Variants in ASTN2 observed in about 807,000 individuals in gnomAD.
ASTN2 encodes astrotactin 2.
Under a neutral mutation model 139.8 loss-of-function variants are expected in ASTN2, and 54 were observed. The ratio of observed to expected loss-of-function variants is 0.39; its 90% CI spans 0.31 to 0.48. ASTN2 has a LOEUF of 0.48. ASTN2 is among the 20% of genes least tolerant of loss of function. The pLI is 0.95. For synonymous variants in ASTN2, 756 were observed against 719.5 expected (o/e 1.05, Z -0.81); for missense variants, 1,565 against 1,725.1 (o/e 0.91, Z 1.64).
intron 2 of ASTN2, among the ~76,000 whole-genome samples, chr9:117,252,424 C>A (rs949438852): frequency 6.6e-6 from 1 of 152,142 alleles, no homozygotes; most frequent in Non-Finnish European, 1.5e-5. Flanking sequence ...ACCAGTCCAC[C>A]AGGGGGTCTT....
intron 19 of ASTN2, chr9:116,540,392 C>T (rs757728491): frequency 1.3e-5 from 2 of 152,174 alleles, no homozygotes; most frequent in African/African-American, 4.8e-5. Context: ...GCAGTTTTCC[C>T]TCTAATTATA....
chr9:116,615,981 G>A (rs1432397581), intron 19 of ASTN2, among the ~76,000 whole-genome samples: 1 of 152,124 alleles, frequency 6.6e-6, no homozygotes, highest in African/African-American at 2.4e-5. Flanking sequence ...AAGACTAAAT[G>A]CCTGAGATTA....
At chr9:117,098,741 T>C (rs1440885090) in intron 4 of ASTN2, among the ~76,000 whole-genome samples, 1 of 149,356 alleles carries the variant, frequency 6.7e-6, no homozygotes, top group Non-Finnish European at 1.5e-5. Context: ...CAGAAGCCAG[T>C]AGGGCTTTTA....
intron 2 of ASTN2, among the ~76,000 whole-genome samples, chr9:117,242,237 C>T (rs963246738): frequency 2.0e-5 from 3 of 152,014 alleles, no homozygotes; most frequent in African/African-American, 7.2e-5. Context: ...CCTACATCCT[C>T]CCAAGCATTC....
At chr9:116,470,476 T>C (rs1848779506) in intron 20 of ASTN2, among the ~76,000 whole-genome samples, 1 of 152,178 alleles carries the variant, frequency 6.6e-6, no homozygotes, top group East Asian at 1.9e-4. Context: ...TTGGTAAATT[T>C]TTTTGACTTC....
At chr9:117,279,520 A>C (rs1007920907) in intron 2 of ASTN2, among the ~76,000 whole-genome samples, 1 of 152,340 alleles carries the variant, frequency 6.6e-6, no homozygotes, top group South Asian at 2.1e-4. Flanking sequence ...AGAGAAGTTA[A>C]GTAACTTAAC....
chr9:117,282,891 G>A (rs1434726037), intron 2 of ASTN2, among the ~76,000 whole-genome samples: 2 of 134,826 alleles, frequency 1.5e-5, no homozygotes, highest in Non-Finnish European at 2.9e-5. Flanking sequence ...GAATAAACAA[G>A]CAAGAGCTGA....
At chr9:117,105,095 C>T (rs1380925020) in intron 4 of ASTN2, among the ~76,000 whole-genome samples, 2 of 152,056 alleles carry the variant, frequency 1.3e-5, no homozygotes, top group Non-Finnish European at 2.9e-5. Context: ...TCCCATCCTG[C>T]CTTATCTTTT....
At chr9:117,201,441 T>A (rs758912385) in intron 3 of ASTN2, among the ~76,000 whole-genome samples, 2 of 152,180 alleles carry the variant, frequency 1.3e-5, no homozygotes, top group Non-Finnish European at 2.9e-5. Flanking sequence ...AGGGTGTCAA[T>A]CTGAGATCTT....
At chr9:116,766,540 C>T (rs1433287388) in intron 13 of ASTN2, among the ~76,000 whole-genome samples, 1 of 151,664 alleles carries the variant, frequency 6.6e-6, no homozygotes, top group Non-Finnish European at 1.5e-5. Context: ...CTCACATACA[C>T]AAACACATGC....
At chr9:117,190,286 A>T (rs1382221478) in intron 3 of ASTN2, among the ~76,000 whole-genome samples, 1 of 152,202 alleles carries the variant, frequency 6.6e-6, no homozygotes, top group Non-Finnish European at 1.5e-5. Context: ...CTGAATTCAA[A>T]AATATACCCT....
intron 3 of ASTN2, among the ~76,000 whole-genome samples, chr9:117,147,462 C>CAT (rs1830224611): frequency 6.8e-6 from 1 of 147,950 alleles, no homozygotes; most frequent in South Asian, 2.1e-4. Flanking sequence ...CACACACACA[C>CAT]ACCCCCGTTA....
intron 3 of ASTN2, among the ~76,000 whole-genome samples, chr9:117,172,268 C>T (rs572844516): frequency 7.9e-5 from 12 of 152,226 alleles, no homozygotes; most frequent in African/African-American, 2.4e-4. Context: ...TAGGCATATG[C>T]TGCCACCGGG....
chr9:117,041,464 C>A (rs149307544), intron 5 of ASTN2, among the ~76,000 whole-genome samples: 3 of 152,264 alleles, frequency 2.0e-5, no homozygotes, highest in African/African-American at 7.2e-5. Flanking sequence ...GAGATGTCAC[C>A]TTTGAGTTTC....
At chr9:116,805,585 G>T (rs1346726982) in intron 13 of ASTN2, 47 bp downstream of exon 13, 1 of 1,577,926 alleles carries the variant, frequency 6.3e-7, no homozygotes. Flanking sequence ...TGCCCAGGTT[G>T]TTTGTCAGTG....
intron 16 of ASTN2, among the ~76,000 whole-genome samples, chr9:116,694,787 A>G (rs938809760): frequency 3.9e-5 from 6 of 151,980 alleles, no homozygotes; most frequent in African/African-American, 1.5e-4. Context: ...TGTAATTTCT[A>G]TCAGTATGTC....
intron 3 of ASTN2, among the ~76,000 whole-genome samples, chr9:117,152,139 C>T (rs1159468621): frequency 1.3e-5 from 2 of 152,090 alleles, no homozygotes; most frequent in African/African-American, 2.4e-5. Context: ...TGCTAAAATT[C>T]AATGTAATAA....
Position 116,935,786 on chromosome 9 carries a change from T to C in ASTN2, c.1889+39422A>G, listed in dbSNP as rs1039058599. On this transcript the variant is annotated intron_variant, in intron 10 of 22. Coordinates refer to ENST00000313400, the MANE Select transcript of ASTN2 (RefSeq NM_001365068.1). ...TACATGCTCCCTCTTGTTTTGAGCATTAACTAGTTCATGTATTTGTTTAGT... is the reference window on the plus strand; with the variant it reads ...TACATGCTCCCTCTTGTTTTGAGCACTAACTAGTTCATGTATTTGTTTAGT... 5.3e-5 allele frequency among the ~76,000 whole-genome samples: 8 copies of C among 152,198 alleles called. 1 individual carries two copies. In the South Asian group the frequency reaches 1.7e-3, roughly 31 times the overall value.
rs921499145 is a variant in ASTN2, at chr9:116,423,165, A to G, written c.*2686T>C. Among the ~76,000 whole-genome samples the G allele has an allele frequency of 1.2e-4, 18 of 152,166 alleles. No homozygotes were observed. Among genetic ancestry groups the G allele is most frequent in the African/African-American group, 4.1e-4 (17 of 41,438 alleles). On this transcript the variant is annotated 3_prime_UTR_variant, in exon 23 of 23. Transcript: ENST00000313400. The stretch of plus-strand genomic sequence containing the variant: ...AGAATTCTCTAGGTCTTTCCCAACC[A>G]GATTTTCCTGGATGTCTGCCCAAGA...
Sources: gnomAD v4.1 joint callset for allele counts (sites outside exome capture counted in the v4.1 genomes callset) on GRCh38, gnomAD v4.1.1 for gene constraint, MANE v1.5 for transcripts, NCBI Gene and HGNC (gene_info 2026-07-23, HGNC 2026-07-21) for gene names.